Variants in ADGRG6 observed in about 807,000 individuals in gnomAD.
The protein encoded by ADGRG6 is adhesion G protein-coupled receptor G6.
A neutral mutation model predicts 142.4 loss-of-function variants in ADGRG6; 84 were observed. That is an observed-to-expected ratio of 0.59 (90% CI 0.49 to 0.71). ADGRG6 has a LOEUF of 0.71. ADGRG6 is among the 30% of genes least tolerant of loss of function. The pLI is 0.00. For synonymous variants in ADGRG6, 521 were observed against 520.5 expected (o/e 1.00, Z -0.01); for missense variants, 1,367 against 1,466.6 (o/e 0.93, Z 1.11).
At chr6:142,437,937 TTTTC>T (rs1432883922) in intron 23 of ADGRG6, 1 of 305,738 alleles carries the variant, frequency 3.3e-6, no homozygotes, top group African/African-American at 2.1e-5. Flanking sequence ...GTCTTTTTTC[TTTTC>T]TTTATCTTTC....
At chr6:142,418,312 A>C (rs1410847574) in intron 21 of ADGRG6, among the ~76,000 whole-genome samples, 3 of 151,088 alleles carry the variant, frequency 2.0e-5, no homozygotes, top group Admixed American at 6.6e-5. Context: ...AAAAAAAAAA[A>C]AAAAAACCCA....
chr6:142,313,762 ATC>A (rs149454284), intron 2 of ADGRG6, among the ~76,000 whole-genome samples: 1 of 152,262 alleles, frequency 6.6e-6, no homozygotes, highest in African/African-American at 2.4e-5. Context: ...TTTTCTTATG[ATC>A]ATAACATCAA....
At chr6:142,426,131 C>T (rs962597991) in intron 22 of ADGRG6, among the ~76,000 whole-genome samples, 2 of 152,126 alleles carry the variant, frequency 1.3e-5, no homozygotes, top group Non-Finnish European at 2.9e-5. Context: ...TATGCCTTCC[C>T]AACAGTCCCC....
chr6:142,379,135 C>T (rs144351750), intron 4 of ADGRG6, among the ~76,000 whole-genome samples: 2 of 152,308 alleles, frequency 1.3e-5, no homozygotes, highest in African/African-American at 4.8e-5. Flanking sequence ...GTTTACCCTA[C>T]CCCACCTAAG....
chr6:142,304,744 A>G (rs929504587), intron 1 of ADGRG6, among the ~76,000 whole-genome samples: 1 of 152,226 alleles, frequency 6.6e-6, no homozygotes. Context: ...GACTAAATGG[A>G]AAAGACTTTG....
chr6:142,376,610 C>T (rs1306330426), intron 4 of ADGRG6, among the ~76,000 whole-genome samples: 4 of 151,986 alleles, frequency 2.6e-5, no homozygotes, highest in African/African-American at 9.7e-5. Context: ...TTGGCTCCTC[C>T]CTTGCACTTC....
intron 2 of ADGRG6, among the ~76,000 whole-genome samples, chr6:142,332,528 A>G (rs1218806116): frequency 1.3e-5 from 2 of 150,706 alleles, no homozygotes; most frequent in African/African-American, 2.4e-5. Flanking sequence ...TGGGTTAAGC[A>G]GAGTTGACGT....
intron 9 of ADGRG6, among the ~76,000 whole-genome samples, chr6:142,396,449 A>AAAACT (rs1775201776): frequency 6.6e-6 from 1 of 152,196 alleles, no homozygotes; most frequent in African/African-American, 2.4e-5. Context: ...TTTAGGAAAG[A>AAAACT]AAACTTGAGC....
At chr6:142,318,353 ATTATATAATAT>A (rs1194125297) in intron 2 of ADGRG6, among the ~76,000 whole-genome samples, 2 of 95,090 alleles carry the variant, frequency 2.1e-5, no homozygotes, top group African/African-American at 1.1e-4. Context: ...ATATTTATAT[ATTATATAATAT>A]TTATATATAT....
intron 2 of ADGRG6, among the ~76,000 whole-genome samples, chr6:142,329,707 A>G (rs1778947318): frequency 1.3e-5 from 2 of 152,184 alleles, no homozygotes; most frequent in South Asian, 4.1e-4. Flanking sequence ...AGTGGTGAAT[A>G]GGTATTCCTG....
rs562197628 is a variant in ADGRG6 at position 142,369,161 on chromosome 6, T to C, written c.446-1009T>C. ...TTCATATGAAACCAGTATTAAAAAGTATTTTTGAGGAGAAATACTTCTTTC... is the reference window on the plus strand; with the variant it reads ...TTCATATGAAACCAGTATTAAAAAGCATTTTTGAGGAGAAATACTTCTTTC... On this transcript the variant is annotated intron_variant, in intron 3 of 24. Transcript: ENST00000367609. 6.5e-4 allele frequency among the ~76,000 whole-genome samples: 99 copies of C among 152,304 alleles called. 1 individual carries two copies. Among genetic ancestry groups the C allele is most frequent in the Middle Eastern group, 3.4e-3 (1 of 294 alleles).
intron 4 of ADGRG6, among the ~76,000 whole-genome samples, chr6:142,374,609 T>C (rs1258570381): frequency 6.6e-6 from 1 of 152,154 alleles, no homozygotes; most frequent in Non-Finnish European, 1.5e-5. Flanking sequence ...CTGGCCCTGA[T>C]GGGCTTTTAA....
chr6:142,335,030 G>A (rs116170993), intron 2 of ADGRG6, among the ~76,000 whole-genome samples: 1,798 of 152,258 alleles, frequency 0.012, 37 homozygotes, highest in African/African-American at 0.04. Context: ...GTTTATTGTT[G>A]CATTTAGCAG....
At chr6:142,314,652 A>AATGGATGT (rs1777935460) in intron 2 of ADGRG6, among the ~76,000 whole-genome samples, 1 of 152,176 alleles carries the variant, frequency 6.6e-6, no homozygotes, top group Non-Finnish European at 1.5e-5. Flanking sequence ...TTGCATTAAA[A>AATGGATGT]ATGGATGTAG....
intron 2 of ADGRG6, among the ~76,000 whole-genome samples, chr6:142,353,476 ATTATCT>A (rs1427236299): frequency 6.6e-6 from 1 of 152,150 alleles, no homozygotes; most frequent in African/African-American, 2.4e-5. Context: ...GAGACTTGAC[ATTATCT>A]TTTCTTTTTT....
chr6:142,410,010 A>C, intron 17 of ADGRG6, 91 bp downstream of exon 17: 1 of 538,582 alleles, frequency 1.9e-6, no homozygotes, highest in Non-Finnish European at 3.4e-6. Flanking sequence ...TTCCACCCCA[A>C]ACCAGAGTGA....
At chr6:142,416,891 G>C (rs1776391716) in intron 20 of ADGRG6, among the ~76,000 whole-genome samples, 1 of 152,172 alleles carries the variant, frequency 6.6e-6, no homozygotes, top group Admixed American at 6.6e-5. Flanking sequence ...AGGCAAAATA[G>C]GCTGTAATGA....
chr6:142,414,495 G>A lies in ADGRG6; in HGVS notation c.2542-474G>A, dbSNP rs528158912. On this transcript the variant is annotated intron_variant, in intron 18 of 24. Transcript: ENST00000367609. ...CCACCCTTAGAGCCTGGCAGTCACAGCACCAGCACCAGCCTCTGGCTGAGC... is the reference window on the plus strand; with the variant it reads ...CCACCCTTAGAGCCTGGCAGTCACAACACCAGCACCAGCCTCTGGCTGAGC... Among the ~76,000 whole-genome samples, 459 of 152,304 alleles carry A rather than the reference G, an allele frequency of 3.0e-3. 4 individuals carry two copies. The highest frequency in any genetic ancestry group is 5.5e-3 in the Non-Finnish European group (373 of 68,010).
At chr6:142,302,530 CAT>C (rs947583103) in intron 1 of ADGRG6, 199 bp downstream of exon 1, 51 of 552,046 alleles carry the variant, frequency 9.2e-5, no homozygotes, top group African/African-American at 2.7e-4. Context: ...GGAGTTGTGA[CAT>C]GTGTGTGTGG....
Sources: gnomAD v4.1 joint callset for allele counts (sites outside exome capture counted in the v4.1 genomes callset) on GRCh38, gnomAD v4.1.1 for gene constraint, MANE v1.5 for transcripts, NCBI Gene and HGNC (gene_info 2026-07-23, HGNC 2026-07-21) for gene names.